ZSWIM6: variants seen among roughly 807,000 people sequenced by gnomAD.
The protein encoded by ZSWIM6 is zinc finger SWIM-type containing 6, also known as zinc finger SWIM domain-containing protein 6.
In ZSWIM6, 9 loss-of-function variants were observed where a neutral mutation model predicts 113.2. The observed-to-expected ratio is 0.08, with a 90% CI of 0.05 to 0.14. The LOEUF is 0.14. Among genes scored for constraint, ZSWIM6 ranks in the 10% least tolerant of loss-of-function variants. The pLI is 1.00. For missense variants in ZSWIM6, 1,162 were observed against 1,552.2 expected (o/e 0.75, Z 4.22); for synonymous variants, 611 against 606.5 (o/e 1.01, Z -0.11).
chr5:61,332,602 C>A lies in ZSWIM6; in HGVS notation c.330C>A (p.Val110=). ...RIPEPVQRRI[V]YWSFPRSERE... is the part of the protein sequence containing the mutation. ...CGGAGCCGGTGCAGCGCCGCATAGT[C>A]TATTGGTCCTTCCCCCGCAGCGAGC... The change falls in exon 1 of 14, where the codon GTC becomes GTA. Residue 110 remains valine (V), a synonymous_variant. Transcript: ENST00000252744. The A allele has an allele frequency of 7.7e-7, 1 of 1,294,740 alleles. No individual in the cohort carries two copies. Among genetic ancestry groups the A allele is most frequent in the Non-Finnish European group, 1.0e-6 (1 of 989,014 alleles). 80.2% of individuals were successfully genotyped at this position (1,294,740 alleles called of 1,614,324 possible).
chr5:61,391,882 A>C lies in ZSWIM6; in HGVS notation c.676+58934A>C, dbSNP rs982853950. 20 of 633,634 alleles carry C rather than the reference A, an allele frequency of 3.2e-5. No homozygotes were observed. The Admixed American group carries it at 5.5e-4, about 17-fold the overall frequency. The allele number at this position is 633,634 out of a possible 1,614,324, so 39.3% of individuals were successfully genotyped here. On this transcript the variant is annotated intron_variant, in intron 1 of 13. Coordinates refer to ENST00000252744, the MANE Select transcript of ZSWIM6 (RefSeq NM_020928.2). The stretch of plus-strand genomic sequence containing the variant: ...CCTTCTGTGAGACATCATGCCATCA[A>C]ATCCTGCCGGTAGAGCAAAAAATGG...
chr5:61,334,131 G>T (rs1263862659), intron 1 of ZSWIM6, among the ~76,000 whole-genome samples: 1 of 152,244 alleles, frequency 6.6e-6, no homozygotes, highest in Admixed American at 6.5e-5. Context: ...AGAAGGACTT[G>T]TGATTTAGAG....
At chr5:61,433,312 A>T (rs1746624545) in intron 1 of ZSWIM6, among the ~76,000 whole-genome samples, 1 of 152,078 alleles carries the variant, frequency 6.6e-6, no homozygotes, top group South Asian at 2.1e-4. Flanking sequence ...GTCAAAGAAG[A>T]AGTTTCCTAT....
At chr5:61,448,354 G>A (rs1340310545) in intron 1 of ZSWIM6, among the ~76,000 whole-genome samples, 1 of 152,152 alleles carries the variant, frequency 6.6e-6, no homozygotes, top group Non-Finnish European at 1.5e-5. Flanking sequence ...ATTTGGATTT[G>A]TGGGTCAAGT....
Position 61,521,422 on chromosome 5 carries a change from A to G in ZSWIM6, c.1493A>G (p.Gln498Arg). 2 of 1,496,846 alleles carry G rather than the reference A, an allele frequency of 1.3e-6. No individual in the cohort carries two copies. The highest frequency in any genetic ancestry group is 1.8e-6 in the Non-Finnish European group (2 of 1,119,370). 92.7% of individuals were successfully genotyped at this position (1,496,846 alleles called of 1,614,324 possible). Residue 498 changes from glutamine (Q) to arginine (R), a missense_variant, in exon 5 of 14, where the codon CAG (glutamine) becomes CGG (arginine). Gln to Arg is a conservative substitution (Grantham distance 43). Transcript: ENST00000252744. ...ELPNLTNALP[Q>R]GANANQDSSN... ...CCCAACTTAACCAATGCTCTGCCTC[A>G]GGGTGCAAATGCCAACCAAGGTGAG...
At chr5:61,475,619 C>T (rs781239885) in intron 2 of ZSWIM6, among the ~76,000 whole-genome samples, 1 of 152,116 alleles carries the variant, frequency 6.6e-6, no homozygotes, top group Non-Finnish European at 1.5e-5. Context: ...CAAATTTGCT[C>T]CCAGCCTGGA....
chr5:61,541,690 G>A (rs1462223331), intron 12 of ZSWIM6, among the ~76,000 whole-genome samples, 194 bp from the exon 13 acceptor site: 2 of 152,200 alleles, frequency 1.3e-5, no homozygotes, highest in African/African-American at 4.8e-5. Flanking sequence ...AGGAGAATGT[G>A]GCTGTGGCAA....
chr5:61,520,817 G>A (rs1471221647), intron 4 of ZSWIM6, among the ~76,000 whole-genome samples: 1 of 152,110 alleles, frequency 6.6e-6, no homozygotes, highest in Admixed American at 6.5e-5. Flanking sequence ...AGAACCATTT[G>A]GAGTGATATA....
In ZSWIM6 at chr5:61,543,571, C is replaced by T. The variant is rs1749800287; in HGVS notation, c.2902C>T (p.Leu968=). ...CAACAGCACCATCGTCCGCCTCCACCTGGACTGCCACCAGCAGGAAAAGCT... is the reference window on the plus strand; with the variant it reads ...CAACAGCACCATCGTCCGCCTCCACTTGGACTGCCACCAGCAGGAAAAGCT... The part of the protein sequence containing the change: ...MSNSTIVRLH[L]DCHQQEKLAS... Residue 968 remains leucine (L), a synonymous_variant, in exon 14 of 14, where the codon CTG becomes TTG. Transcript: ENST00000252744. This position sits in a 1 kb window ranked among gnomAD's most constrained non-coding sequence, Gnocchi z 4.3. 1 of 1,551,770 alleles carries T rather than the reference C, an allele frequency of 6.4e-7. No individual in the cohort carries two copies. The highest frequency in any genetic ancestry group is 8.7e-7 in the Non-Finnish European group (1 of 1,147,026).
intron 1 of ZSWIM6, among the ~76,000 whole-genome samples, chr5:61,450,470 A>G (rs958718899): frequency 1.3e-5 from 2 of 152,186 alleles, no homozygotes; most frequent in Non-Finnish European, 2.9e-5. Context: ...TTTAAAAATA[A>G]ATAATTGCTA....
intron 1 of ZSWIM6, among the ~76,000 whole-genome samples, chr5:61,428,084 C>T (rs1053467141): frequency 2.0e-5 from 3 of 152,048 alleles, no homozygotes; most frequent in Non-Finnish European, 2.9e-5. Flanking sequence ...TAGATCTCAA[C>T]ATTATCTATG....
chr5:61,437,201 A>G (rs1257799618), intron 1 of ZSWIM6, among the ~76,000 whole-genome samples: 1 of 152,192 alleles, frequency 6.6e-6, no homozygotes. Context: ...GACAATGAAC[A>G]TGTACTTGTG....
chr5:61,465,481 A>C (rs1747416264), intron 1 of ZSWIM6, among the ~76,000 whole-genome samples: 1 of 149,964 alleles, frequency 6.7e-6, no homozygotes, highest in Non-Finnish European at 1.5e-5. Context: ...CTAGGTGCCC[A>C]CTGCAGATAT....
intron 1 of ZSWIM6, among the ~76,000 whole-genome samples, chr5:61,370,559 G>T (rs1402377069): frequency 2.6e-5 from 4 of 152,124 alleles, no homozygotes; most frequent in Admixed American, 1.3e-4. Flanking sequence ...TCTTATTTTG[G>T]ACATTTAAAT....
chr5:61,508,601 G>A (rs1488584269), intron 4 of ZSWIM6, among the ~76,000 whole-genome samples: 1 of 152,138 alleles, frequency 6.6e-6, no homozygotes, highest in Admixed American at 6.6e-5. Context: ...GTTAAAGATG[G>A]CCACAGATTC....
intron 1 of ZSWIM6, among the ~76,000 whole-genome samples, chr5:61,364,651 C>T (rs1030127219): frequency 6.6e-6 from 1 of 152,092 alleles, no homozygotes; most frequent in Admixed American, 6.6e-5. Flanking sequence ...CTGGGAAACC[C>T]AAGATCAAGG....
At chr5:61,443,643 C>A (rs1746884795) in intron 1 of ZSWIM6, among the ~76,000 whole-genome samples, 1 of 152,154 alleles carries the variant, frequency 6.6e-6, no homozygotes, top group Admixed American at 6.5e-5. Context: ...ATAAAATAGT[C>A]ATTGATTTAG....
Position 61,444,492 on chromosome 5 carries a change from T to C in ZSWIM6, c.677-28189T>C, listed in dbSNP as rs562352159. On this transcript the variant is annotated intron_variant, in intron 1 of 13. Coordinates refer to ENST00000252744, the MANE Select transcript of ZSWIM6 (RefSeq NM_020928.2). ...ATGGGATTGCTGGGTCAAATGGTAT[T>C]TCTAGTTCTAGATCCCTGAGAAATC... 3.3e-5 allele frequency among the ~76,000 whole-genome samples: 5 copies of C among 152,298 alleles called. No homozygotes were observed. In the East Asian group the frequency reaches 5.8e-4, roughly 18 times the overall value.
intron 1 of ZSWIM6, among the ~76,000 whole-genome samples, chr5:61,460,689 G>C (rs919286311): frequency 1.1e-4 from 17 of 152,100 alleles, no homozygotes; most frequent in African/African-American, 4.1e-4. Flanking sequence ...TGCCTCCCGG[G>C]AGACTTGTAT....
Sources: allele counts gnomAD v4.1 joint callset (sites outside exome capture counted in the v4.1 genomes callset), GRCh38; gene constraint gnomAD v4.1.1; non-coding constraint Gnocchi (gnomAD v3.1); transcripts MANE v1.5; gene names NCBI Gene and HGNC (gene_info 2026-07-23, HGNC 2026-07-21).